LCORL: variants seen among roughly 807,000 people sequenced by gnomAD.
The protein encoded by LCORL is ligand dependent nuclear receptor corepressor like, also known as ligand-dependent nuclear receptor corepressor-like protein.
In LCORL, 41 loss-of-function variants were observed where a neutral mutation model predicts 141.8. The observed-to-expected ratio is 0.29, with a 90% CI of 0.23 to 0.38. The LOEUF is 0.38. LCORL is among the 10% of genes least tolerant of loss of function. LCORL has a pLI of 1.00. For missense variants in LCORL, 1,759 were observed against 2,035.0 expected, an observed-to-expected ratio of 0.86 and a Z score of 2.61; for synonymous variants, 618 against 694.1, an observed-to-expected ratio of 0.89 and a Z score of 1.72.
rs1470669798 is a variant in LCORL, at chr4:17,884,257, T to C, written c.776+1811A>G. On this transcript the variant is annotated intron_variant, in intron 6 of 7. Coordinates refer to ENST00000635767, the Ensembl canonical transcript of LCORL. The surrounding 1 kb of genome is among the most constrained non-coding windows in gnomAD (Gnocchi z 4.4). The stretch of plus-strand genomic sequence containing the variant: ...ACAGACCAGAACCATCAGGTTGTGA[T>C]TTTGAGACAGAACTTACTCGTAGCT... 1.3e-6 allele frequency: 2 copies of C among 1,550,658 alleles called. No homozygotes were observed. The highest frequency in any genetic ancestry group is 3.9e-5 in the Admixed American group (2 of 50,856).
chr4:18,019,415 C>T (rs1238646594), intron 1 of LCORL, among the ~76,000 whole-genome samples: 1 of 152,174 alleles, frequency 6.6e-6, no homozygotes, highest in Non-Finnish European at 1.5e-5. Context: ...GGAAACAATT[C>T]TCAAATATAG....
At chr4:18,012,693 T>G (rs1257965983) in intron 1 of LCORL, among the ~76,000 whole-genome samples, 1 of 152,122 alleles carries the variant, frequency 6.6e-6, no homozygotes, top group Non-Finnish European at 1.5e-5. Context: ...AAAAAATACA[T>G]GTAGAATCCA....
chr4:17,965,994 AAC>A (rs1021890152), intron 2 of LCORL, among the ~76,000 whole-genome samples: 8 of 152,094 alleles, frequency 5.3e-5, no homozygotes, highest in Middle Eastern at 3.4e-3. Context: ...AAGATCATGA[AAC>A]ACTGGTTATA....
At chr4:18,002,831 T>C (rs1650011587) in intron 1 of LCORL, among the ~76,000 whole-genome samples, 1 of 152,174 alleles carries the variant, frequency 6.6e-6, no homozygotes, top group African/African-American at 2.4e-5. Context: ...TCAGGAAAGC[T>C]TTTGATTTCT....
rs766301989 is a variant in LCORL at position 17,891,785 on chromosome 4, T to C, written c.683-5624A>G. 2.9e-3 allele frequency among the ~76,000 whole-genome samples: 439 copies of C among 152,294 alleles called. 2 individuals carry two copies. The highest frequency in any genetic ancestry group is 4.6e-3 in the Non-Finnish European group (315 of 68,008). On this transcript the variant is annotated intron_variant, in intron 5 of 7. Coordinates refer to ENST00000635767, the Ensembl canonical transcript of LCORL. Reference sequence around the variant, plus strand: ...AAGAACCCCCAAATAAAATGAAATATAGAATAAACTGTGGAAGTAAATATA... The same window carrying C: ...AAGAACCCCCAAATAAAATGAAATACAGAATAAACTGTGGAAGTAAATATA...
chr4:17,973,643 C>G (rs1418203405), intron 1 of LCORL, among the ~76,000 whole-genome samples: 4 of 151,522 alleles, frequency 2.6e-5, no homozygotes, highest in Non-Finnish European at 4.4e-5. Context: ...ATAATGTAAG[C>G]CGTGTGTGGA....
chr4:17,878,520 T>C (rs1320944435), intron 6 of LCORL, among the ~76,000 whole-genome samples: 1 of 151,478 alleles, frequency 6.6e-6, no homozygotes, highest in Admixed American at 6.6e-5. Flanking sequence ...TAATGGAAAG[T>C]GCTTCAGAAG....
At chr4:17,874,141 C>T (rs541792830) in exon 7 of LCORL, 1 of 1,233,932 alleles carries the variant, frequency 8.1e-7, no homozygotes, top group African/African-American at 1.5e-5. Flanking sequence ...TCAACTGTTC[C>T]ATGGTTGTGC....
intron 1 of LCORL, among the ~76,000 whole-genome samples, chr4:18,013,702 G>A (rs1724165039): frequency 6.6e-6 from 1 of 152,120 alleles, no homozygotes; most frequent in African/African-American, 2.4e-5. Context: ...TACGTCCTAT[G>A]TGCACACCTT....
At chr4:17,961,257 T>C (rs755122620) in intron 4 of LCORL, among the ~76,000 whole-genome samples, 50 of 151,950 alleles carry the variant, frequency 3.3e-4, no homozygotes, top group Admixed American at 1.2e-3. Context: ...GAACAAAACA[T>C]GAAAGGTCCT....
chr4:17,883,761 A>C, intron 6 of LCORL: 1 of 1,545,508 alleles, frequency 6.5e-7, no homozygotes, highest in Non-Finnish European at 8.7e-7. Flanking sequence ...CCAGTCCCTG[A>C]ATCTGTCATA....
chr4:17,892,647 T>C (rs146875290), intron 5 of LCORL, among the ~76,000 whole-genome samples: 268 of 152,314 alleles, frequency 1.8e-3, no homozygotes, highest in African/African-American at 6.2e-3. Context: ...AAAGTGCTTA[T>C]AGTGAATTTA....
intron 4 of LCORL, among the ~76,000 whole-genome samples, chr4:17,931,363 C>A (rs989434292): frequency 6.6e-6 from 1 of 151,844 alleles, no homozygotes; most frequent in Admixed American, 6.6e-5. Context: ...CTTCCTTGTT[C>A]TTTATTCGGA....
At chr4:18,020,778 G>A (rs1262233703) in intron 1 of LCORL, 1 of 152,182 alleles carries the variant, frequency 6.6e-6, no homozygotes, top group Admixed American at 6.5e-5. Flanking sequence ...GTGTAAGGAA[G>A]AGTCCATCAC....
chr4:17,961,827 A>C (rs1216451608), intron 4 of LCORL, 76 bp downstream of exon 4: 1 of 1,255,942 alleles, frequency 8.0e-7, no homozygotes, highest in East Asian at 2.4e-5. Flanking sequence ...GACATATAAA[A>C]AACTTTTGTG....
At chr4:17,933,036 A>G (rs1736294330) in intron 4 of LCORL, among the ~76,000 whole-genome samples, 1 of 152,048 alleles carries the variant, frequency 6.6e-6, no homozygotes, top group Non-Finnish European at 1.5e-5. Context: ...GTTCTTGTTG[A>G]GAATTTTGAT....
At chr4:17,872,865 T>C (rs1385948831) in intron 7 of LCORL, among the ~76,000 whole-genome samples, 1 of 152,116 alleles carries the variant, frequency 6.6e-6, no homozygotes, top group Non-Finnish European at 1.5e-5. Context: ...CCAAATGACA[T>C]AACAACTTGG....
At chr4:17,978,647 TG>T (rs1717423069) in intron 1 of LCORL, among the ~76,000 whole-genome samples, 1 of 152,012 alleles carries the variant, frequency 6.6e-6, no homozygotes, top group Non-Finnish European at 1.5e-5. Context: ...GGTGGGAACT[TG>T]AATAATGATT....
intron 4 of LCORL, among the ~76,000 whole-genome samples, chr4:17,943,342 C>T (rs543098122): frequency 6.6e-6 from 1 of 152,318 alleles, no homozygotes; most frequent in East Asian, 1.9e-4. Context: ...TGACTCTTCA[C>T]TCTTCAAAGG....
Sources: gnomAD v4.1 joint callset for allele counts (sites outside exome capture counted in the v4.1 genomes callset) on GRCh38, gnomAD v4.1.1 for gene constraint, Gnocchi (gnomAD v3.1) non-coding constraint, MANE v1.5 for transcripts, NCBI Gene and HGNC (gene_info 2026-07-23, HGNC 2026-07-21) for gene names.